The following PBX1 variants were observed in gnomAD, a reference collection of about 807,000 sequenced individuals.
PBX1 encodes the protein pre-B-cell leukemia transcription factor 1.
PBX1 carries 6 observed loss-of-function variants against 53.4 expected under a neutral mutation model. The ratio of observed to expected loss-of-function variants is 0.11; its 90% CI spans 0.06 to 0.22. PBX1 has a LOEUF of 0.22. Ranked by LOEUF, PBX1 falls within the 10% of genes least tolerant of loss-of-function variation. The pLI is 1.00. For missense variants in PBX1, 251 were observed against 551.4 expected, an observed-to-expected ratio of 0.46 and a Z score of 5.46; for synonymous variants, 204 against 212.3, an observed-to-expected ratio of 0.96 and a Z score of 0.34.
At chr1:164,794,866 C>T (rs576104769) in intron 3 of PBX1, among the ~76,000 whole-genome samples, 21 of 152,188 alleles carry the variant, frequency 1.4e-4, no homozygotes, top group Non-Finnish European at 2.4e-4. Flanking sequence ...GCCCAGAGTG[C>T]GACTTCCTTC....
intron 2 of PBX1, among the ~76,000 whole-genome samples, chr1:164,675,301 A>C (rs1338655866): frequency 6.6e-6 from 1 of 152,200 alleles, no homozygotes; most frequent in African/African-American, 2.4e-5. Context: ...ATGGAAGAGA[A>C]TAGGACATGT....
chr1:164,590,476 A>G (rs1370188987), intron 2 of PBX1: 3 of 455,888 alleles, frequency 6.6e-6, no homozygotes, highest in Non-Finnish European at 8.8e-6. Context: ...TGGGGCCTAA[A>G]CTGACGAGGA....
rs543697001 is a variant in PBX1, at chr1:164,876,627, T to G, written n.258-22561T>G. 8.4e-4 allele frequency among the ~76,000 whole-genome samples: 128 copies of G among 152,168 alleles called. 1 individual carries two copies. The highest frequency in any genetic ancestry group is 2.4e-3 in the Admixed American group (36 of 15,288). ...CGGTGCTCTGTGTTTATTATCTCATTTATCCTCCAGGCCAGCACATTAAGG... is the reference window on the plus strand; with the variant it reads ...CGGTGCTCTGTGTTTATTATCTCATGTATCCTCCAGGCCAGCACATTAAGG... On this transcript the variant is annotated intron_variant and non_coding_transcript_variant, in intron 2 of 2. Transcript: ENST00000558796.
intron 2 of PBX1, among the ~76,000 whole-genome samples, chr1:164,632,529 A>G (rs907384981): frequency 6.6e-6 from 1 of 152,164 alleles, no homozygotes; most frequent in African/African-American, 2.4e-5. Context: ...CCTTGAGTAT[A>G]TAGTTTCATA....
chr1:164,685,241 A>G (rs1342629772), intron 2 of PBX1, among the ~76,000 whole-genome samples: 4 of 152,312 alleles, frequency 2.6e-5, no homozygotes, highest in African/African-American at 9.6e-5. Flanking sequence ...CTGCTTTTTG[A>G]AGGTTTCTTG....
intron 2 of PBX1, among the ~76,000 whole-genome samples, chr1:164,735,064 T>C (rs933336100): frequency 6.6e-6 from 1 of 152,250 alleles, no homozygotes; most frequent in African/African-American, 2.4e-5. Context: ...ATTTACACTA[T>C]ACTGCGTAAG....
At chr1:164,680,753 C>T (rs1661714252) in intron 2 of PBX1, 1 of 152,186 alleles carries the variant, frequency 6.6e-6, no homozygotes, top group Non-Finnish European at 1.5e-5. Flanking sequence ...CTGAGGTCTC[C>T]CTTTGGACAC....
intron 2 of PBX1, among the ~76,000 whole-genome samples, chr1:164,744,451 A>C (rs1337998788): frequency 2.0e-5 from 3 of 152,218 alleles, no homozygotes; most frequent in African/African-American, 7.2e-5. Flanking sequence ...AACAACAATA[A>C]TACTCATGGT....
chr1:164,847,260 A>G lies in PBX1; in HGVS notation c.*584A>G. On this transcript the variant is annotated 3_prime_UTR_variant, in exon 9 of 9. Coordinates refer to ENST00000420696, the MANE Select transcript of PBX1 (RefSeq NM_002585.4). The stretch of plus-strand genomic sequence containing the variant: ...CCTCCCTGGGGACAGTACTGATTGG[A>G]ACACTTTCCTCCTCTTCCTTCCTAG... 9.4e-7 allele frequency: 1 copy of G among 1,066,340 alleles called. No homozygotes were observed. The highest frequency in any genetic ancestry group is 1.1e-6 in the Non-Finnish European group (1 of 879,974). The allele number at this position is 1,066,340 out of a possible 1,614,324, so 66.1% of individuals were successfully genotyped here. A position where few individuals can be genotyped will look rare whatever the true frequency, so the allele number is the denominator to read the frequency against.
intron 2 of PBX1, among the ~76,000 whole-genome samples, chr1:164,707,367 TG>T (rs1490079054): frequency 1.3e-5 from 2 of 150,606 alleles, no homozygotes; most frequent in Non-Finnish European, 2.9e-5. Flanking sequence ...AGAACAGTAT[TG>T]TGGCTAATGA....
chr1:164,857,531 T>C (rs1297391833), intron 2 of PBX1, among the ~76,000 whole-genome samples: 2 of 152,208 alleles, frequency 1.3e-5, no homozygotes, highest in Non-Finnish European at 2.9e-5. Context: ...TATAGCCTCT[T>C]ACCCAGGAAT....
intron 2 of PBX1, among the ~76,000 whole-genome samples, chr1:164,587,798 C>G (rs1188874382): frequency 6.6e-6 from 1 of 152,178 alleles, no homozygotes; most frequent in Non-Finnish European, 1.5e-5. Flanking sequence ...TCACACGCGC[C>G]ACACCAGGGG....
chr1:164,794,552 GC>G (rs2102307765), intron 3 of PBX1, among the ~76,000 whole-genome samples: 1 of 152,212 alleles, frequency 6.6e-6, no homozygotes, highest in Non-Finnish European at 1.5e-5. Flanking sequence ...AAATGTTCTC[GC>G]CACAGTGTTG....
In PBX1 at chr1:164,659,918, A is replaced by G. The variant is rs149368903; in HGVS notation, c.265+96607A>G. 2.5e-3 allele frequency among the ~76,000 whole-genome samples: 380 copies of G among 152,130 alleles called. 5 individuals are homozygous for G. The highest frequency in any genetic ancestry group is 8.6e-3 in the African/African-American group (357 of 41,508). On this transcript the variant is annotated intron_variant, in intron 2 of 8. Transcript: ENST00000420696. Reference sequence around the variant, plus strand: ...GTTGTATTCTCAGCTGTCTGTGCTTATTTTTCTGAGCTTGATTCTCCAGGT... The same window carrying G: ...GTTGTATTCTCAGCTGTCTGTGCTTGTTTTTCTGAGCTTGATTCTCCAGGT...
intron 2 of PBX1, among the ~76,000 whole-genome samples, chr1:164,775,173 G>C (rs1332311890): frequency 6.6e-6 from 1 of 152,124 alleles, no homozygotes; most frequent in African/African-American, 2.4e-5. Context: ...TGTGCTGGTG[G>C]CTAAATATTT....
chr1:164,570,892 C>T lies in PBX1; in HGVS notation c.265+7581C>T, dbSNP rs139543540. Reference sequence around the variant, plus strand: ...TGTTGTTTCCTGACTTTTTAAGGATCGCCATTCTAACTGGTGAGAGATGCT... The same window carrying T: ...TGTTGTTTCCTGACTTTTTAAGGATTGCCATTCTAACTGGTGAGAGATGCT... On this transcript the variant is annotated intron_variant, in intron 2 of 8. Coordinates refer to ENST00000420696, the MANE Select transcript of PBX1 (RefSeq NM_002585.4). Among the ~76,000 whole-genome samples, 388 of 152,260 alleles carry T rather than the reference C, an allele frequency of 2.5e-3. 3 individuals carry two copies. The highest frequency in any genetic ancestry group is 9.1e-3 in the African/African-American group (379 of 41,558).
chr1:164,711,131 C>A (rs1210563269), intron 2 of PBX1, among the ~76,000 whole-genome samples: 1 of 152,158 alleles, frequency 6.6e-6, no homozygotes, highest in Non-Finnish European at 1.5e-5. Flanking sequence ...AAATACATCA[C>A]CCTATGAAAG....
At chr1:164,807,134 G>A (rs1669397573) in intron 4 of PBX1, among the ~76,000 whole-genome samples, 1 of 152,102 alleles carries the variant, frequency 6.6e-6, no homozygotes, top group Admixed American at 6.5e-5. Context: ...GCACGTGCCT[G>A]TAATCCCAGC....
chr1:164,712,702 G>C (rs1307307197), intron 2 of PBX1, among the ~76,000 whole-genome samples: 1 of 152,120 alleles, frequency 6.6e-6, no homozygotes, highest in African/African-American at 2.4e-5. Flanking sequence ...CTTCAAATGA[G>C]GGAAAACACG....
Sources: gnomAD v4.1 joint callset for allele counts (sites outside exome capture counted in the v4.1 genomes callset) on GRCh38, gnomAD v4.1.1 for gene constraint, MANE v1.5 for transcripts, NCBI Gene and HGNC (gene_info 2026-07-23, HGNC 2026-07-21) for gene names.